The following LRRC37A variants were observed in gnomAD, a reference collection of about 807,000 sequenced individuals.
LRRC37A encodes the protein leucine rich repeat containing 37A, also known as leucine-rich repeat-containing protein 37A.
In LRRC37A, 3 loss-of-function variants were observed where a neutral mutation model predicts 35.4. The ratio of observed to expected loss-of-function variants is 0.08; its 90% CI spans 0.04 to 0.22. The LOEUF (loss-of-function observed/expected upper bound fraction) is 0.22. LRRC37A is among the 10% of genes least tolerant of loss of function. LRRC37A has a pLI of 1.00. For missense variants in LRRC37A, 67 were observed against 565.3 expected, an observed-to-expected ratio of 0.12 and a Z score of 8.94; for synonymous variants, 23 against 215.0, an observed-to-expected ratio of 0.11 and a Z score of 7.81.
chr17:46,283,175 A>T, the LRRC37A span, among the ~76,000 whole-genome samples: 1 of 152,230 alleles, frequency 6.6e-6, no homozygotes, highest in Non-Finnish European at 1.5e-5. Context: ...GATACTATCA[A>T]TTTACCCTCC....
At chr17:46,278,136 G>A in the LRRC37A span, among the ~76,000 whole-genome samples, 1 of 151,982 alleles carries the variant, frequency 6.6e-6, no homozygotes, top group South Asian at 2.1e-4. Context: ...TAGTGGAGAT[G>A]GGGTTTCACC....
the LRRC37A span, chr17:46,266,947 C>A: frequency 6.3e-6 from 1 of 158,668 alleles, no homozygotes; most frequent in South Asian, 1.8e-4. Context: ...CGCGCGCCGC[C>A]GAGGGCCCCG....
the LRRC37A span, among the ~76,000 whole-genome samples, chr17:46,265,303 CTTCTTCTTCT>C: frequency 1.7e-5 from 2 of 114,754 alleles, no homozygotes; most frequent in Admixed American, 2.0e-4. Flanking sequence ...TCTTCTTCTT[CTTCTTCTTCT>C]TCCTCTTCTT....
chr17:46,291,306 A>G (rs2050060086), upstream of LRRC37A, among the ~76,000 whole-genome samples: 1 of 152,264 alleles, frequency 6.6e-6, no homozygotes, highest in Admixed American at 6.5e-5. Flanking sequence ...AAAAAGAGAA[A>G]TTGAAAAGAC....
chr17:46,276,176 C>T, the LRRC37A span, among the ~76,000 whole-genome samples: 8 of 152,254 alleles, frequency 5.3e-5, no homozygotes, highest in South Asian at 2.1e-4. Flanking sequence ...CAAGTGTGAG[C>T]CACCAAGGCT....
At chr17:46,277,957 T>G in the LRRC37A span, among the ~76,000 whole-genome samples, 1 of 151,802 alleles carries the variant, frequency 6.6e-6, no homozygotes, top group Non-Finnish European at 1.5e-5. Flanking sequence ...AGATTTTTTT[T>G]CTTTTGAGAT....
At chr17:46,259,019 A>ATTCTTTTTTT in the LRRC37A span, among the ~76,000 whole-genome samples, 1 of 79,468 alleles carries the variant, frequency 1.3e-5, no homozygotes, top group African/African-American at 6.3e-5. Context: ...CACCCGGCCT[A>ATTCTTTTTTT]TTTTTTTTTT....
chr17:46,279,184 C>CTTTT, the LRRC37A span, among the ~76,000 whole-genome samples: 5 of 136,990 alleles, frequency 3.6e-5, no homozygotes, highest in African/African-American at 5.5e-5. Context: ...TCTTTTTTTT[C>CTTTT]TTTTTTTTTT....
At chr17:46,257,365 T>C in the LRRC37A span, among the ~76,000 whole-genome samples, 1 of 151,214 alleles carries the variant, frequency 6.6e-6, no homozygotes, top group Non-Finnish European at 1.5e-5. Flanking sequence ...GGAGAATTGC[T>C]TGAACTAAAC....
the LRRC37A span, among the ~76,000 whole-genome samples, chr17:46,276,600 G>A: frequency 6.6e-6 from 1 of 152,164 alleles, no homozygotes; most frequent in African/African-American, 2.4e-5. Flanking sequence ...AAACAATGCT[G>A]GAGATCATAA....
the LRRC37A span, among the ~76,000 whole-genome samples, chr17:46,278,247 G>C: frequency 6.6e-6 from 1 of 152,124 alleles, no homozygotes; most frequent in Non-Finnish European, 1.5e-5. Flanking sequence ...TGCCCAGCCT[G>C]GGTAGCTTTC....
At chr17:46,269,487 G>A in the LRRC37A span, among the ~76,000 whole-genome samples, 1 of 152,206 alleles carries the variant, frequency 6.6e-6, no homozygotes, top group South Asian at 2.1e-4. Context: ...AGCCGAGATC[G>A]CGCCAGCCTG....
chr17:46,272,415 TC>T, the LRRC37A span, among the ~76,000 whole-genome samples: 1 of 152,246 alleles, frequency 6.6e-6, no homozygotes, highest in Non-Finnish European at 1.5e-5. Context: ...TGTTTTTCTT[TC>T]TTTTTTATTT....
At chr17:46,282,417 GT>G in the LRRC37A span, among the ~76,000 whole-genome samples, 33 of 144,410 alleles carry the variant, frequency 2.3e-4, no homozygotes, top group South Asian at 4.3e-4. Context: ...TTTTTTGTTT[GT>G]TTTTTTTTTT....
chr17:46,253,269 T>C, the LRRC37A span, among the ~76,000 whole-genome samples: 1 of 142,508 alleles, frequency 7.0e-6, no homozygotes, highest in African/African-American at 2.7e-5. Flanking sequence ...CTAGATGGGA[T>C]GGCGGCCGGG....
At chr17:46,272,702 C>A in the LRRC37A span, among the ~76,000 whole-genome samples, 3 of 152,244 alleles carry the variant, frequency 2.0e-5, no homozygotes, top group East Asian at 1.9e-4. Context: ...AGGCGTGGGC[C>A]ACCACACCTG....
the LRRC37A span, among the ~76,000 whole-genome samples, chr17:46,254,411 T>TTATC: frequency 5.4e-5 from 8 of 147,312 alleles, no homozygotes; most frequent in South Asian, 2.1e-4. Context: ...ATTTATTTAT[T>TTATC]TATCTATCTA....
intron 5 of LRRC37A, among the ~76,000 whole-genome samples, chr17:46,308,216 C>T (rs997661401): frequency 2.9e-5 from 1 of 33,972 alleles, no homozygotes; most frequent in African/African-American, 6.7e-5. Context: ...CAAAGACACA[C>T]CAAGATGAGG....
At chr17:46,321,914 C>CA (rs1263117066) in intron 5 of LRRC37A, among the ~76,000 whole-genome samples, 188 of 10,978 alleles carry the variant, frequency 0.017, 18 homozygotes, top group East Asian at 0.026. Flanking sequence ...GACTCCATCT[C>CA]AAAAAAAAAA....
Sources: gnomAD v4.1 joint callset for allele counts (sites outside exome capture counted in the v4.1 genomes callset) on GRCh38, gnomAD v4.1.1 for gene constraint, MANE v1.5 for transcripts, NCBI Gene and HGNC (gene_info 2026-07-23, HGNC 2026-07-21) for gene names.